Variants in DCUN1D5 observed in about 807,000 individuals in gnomAD.
DCUN1D5 encodes defective in cullin neddylation 1 domain containing 5.
Under a neutral mutation model 38.3 loss-of-function variants are expected in DCUN1D5, and 10 were observed. The ratio of observed to expected loss-of-function variants is 0.26; its 90% CI spans 0.16 to 0.44. The LOEUF (loss-of-function observed/expected upper bound fraction) is 0.44. DCUN1D5 is among the 20% of genes least tolerant of loss of function. The pLI, the probability that DCUN1D5 is intolerant of heterozygous loss-of-function variation, is 1.00. For synonymous variants in DCUN1D5, 93 were observed against 90.9 expected (o/e 1.02, Z -0.13); for missense variants, 148 against 275.3 (o/e 0.54, Z 3.27).
At chr11:103,079,377 CAGTA>C (rs2134626049) in intron 4 of DCUN1D5, among the ~76,000 whole-genome samples, 2 of 152,262 alleles carry the variant, frequency 1.3e-5, no homozygotes, top group South Asian at 2.1e-4. Flanking sequence ...CTGTGATCAC[CAGTA>C]AGTGATACTG....
chr11:103,072,375 T>G (rs995796237), intron 4 of DCUN1D5, among the ~76,000 whole-genome samples: 10 of 151,970 alleles, frequency 6.6e-5, no homozygotes, highest in African/African-American at 2.4e-4. Flanking sequence ...GAACTAGAAC[T>G]AGAAATACCA....
chr11:103,084,924 CTGCA>C (rs1862661743), intron 2 of DCUN1D5, among the ~76,000 whole-genome samples: 1 of 151,852 alleles, frequency 6.6e-6, no homozygotes, highest in African/African-American at 2.4e-5. Flanking sequence ...GAGTTTGAGG[CTGCA>C]ATGAGCCATG....
At chr11:103,079,014 A>T (rs1158915577) in intron 4 of DCUN1D5, among the ~76,000 whole-genome samples, 1 of 152,182 alleles carries the variant, frequency 6.6e-6, no homozygotes, top group East Asian at 1.9e-4. Context: ...GCCTGTTAGA[A>T]ACCAGGCTGT....
chr11:103,081,638 G>C (rs1237383184), intron 4 of DCUN1D5, among the ~76,000 whole-genome samples: 1 of 152,094 alleles, frequency 6.6e-6, no homozygotes, highest in Non-Finnish European at 1.5e-5. Flanking sequence ...CTAAGGAACT[G>C]TGCCAAATAT....
chr11:103,072,493 A>G (rs975883224), intron 4 of DCUN1D5, among the ~76,000 whole-genome samples: 4 of 152,118 alleles, frequency 2.6e-5, no homozygotes, highest in Admixed American at 1.3e-4. Context: ...TCACAATAGT[A>G]AAGACTTGGA....
In DCUN1D5 at chr11:103,081,021, AC is replaced by A. The variant is rs1418530056; in HGVS notation, c.341+1726del. On this transcript the variant is annotated intron_variant, in intron 4 of 7. Coordinates refer to ENST00000260247, the MANE Select transcript of DCUN1D5 (RefSeq NM_032299.4). Reference sequence around the variant, plus strand: ...AGACTCCGTCTAAAAAAAAAAAAAAACATGCTCATGGGCTAGTCAGTTTCTA... The same window carrying A: ...AGACTCCGTCTAAAAAAAAAAAAAAAATGCTCATGGGCTAGTCAGTTTCTA... Among the ~76,000 whole-genome samples the A allele has an allele frequency of 1.1e-4, 17 of 152,014 alleles. No homozygotes were observed. In the East Asian group the frequency reaches 3.3e-3, roughly 29 times the overall value.
rs1862283003 is a variant in DCUN1D5 at position 103,071,978 on chromosome 11, T to C, written c.342-5411A>G. On this transcript the variant is annotated intron_variant, in intron 4 of 7. Transcript: ENST00000260247. The surrounding 1 kb of genome is among the most constrained non-coding windows in gnomAD (Gnocchi z 4.1). ...CAGGCAAATACAAAAAAAAGCCACA[T>C]AATTTTATCATTTAATACAGAAAAA... Among the ~76,000 whole-genome samples, 3 of 151,594 alleles carry C rather than the reference T, an allele frequency of 2.0e-5. No individual in the cohort carries two copies. Among genetic ancestry groups the C allele is most frequent in the Non-Finnish European group, 4.4e-5 (3 of 67,882 alleles).
intron 4 of DCUN1D5, among the ~76,000 whole-genome samples, chr11:103,070,750 T>C (rs1862251123): frequency 6.6e-6 from 1 of 152,130 alleles, no homozygotes; most frequent in Non-Finnish European, 1.5e-5. Context: ...GACTACTCCA[T>C]TCGAAGACAA....
rs531639826 is a variant in DCUN1D5, at chr11:103,060,955, A to G, written c.*1404T>C. On this transcript the variant is annotated 3_prime_UTR_variant, in exon 8 of 8. Transcript: ENST00000260247. ...GGAGCATTCTGTATTATCCTTTTCT[A>G]TAAGACATTTAGGAAAACTGTCTCC... Among the ~76,000 whole-genome samples the G allele has an allele frequency of 4.6e-5, 7 of 152,278 alleles. No homozygotes were observed. The East Asian group carries it at 1.3e-3, about 29-fold the overall frequency.
rs2134599898 is a variant in DCUN1D5, at chr11:103,062,797, AGG to A, written c.659-385_659-384del. Reference sequence around the variant, plus strand: ...CCAAGAAGTGTACAAGCTTGTTGAGAGGGATCAGCCATAATAGAGACTTACTT... The same window carrying A: ...CCAAGAAGTGTACAAGCTTGTTGAGAGATCAGCCATAATAGAGACTTACTT... On this transcript the variant is annotated intron_variant, in intron 7 of 7. Transcript: ENST00000260247. The surrounding 1 kb of genome is among the most constrained non-coding windows in gnomAD (Gnocchi z 4.6). 6.6e-6 allele frequency among the ~76,000 whole-genome samples: 1 copy of A among 152,224 alleles called. No individual in the cohort carries two copies. Among genetic ancestry groups the A allele is most frequent in the South Asian group, 2.1e-4 (1 of 4,830 alleles).
intron 4 of DCUN1D5, among the ~76,000 whole-genome samples, chr11:103,067,020 G>C (rs1297246009): frequency 3.3e-5 from 5 of 152,098 alleles, no homozygotes; most frequent in Non-Finnish European, 5.9e-5. Flanking sequence ...TAAAAGTTTA[G>C]GATATAACAC....
At chr11:103,067,251 C>G (rs983737464) in intron 4 of DCUN1D5, among the ~76,000 whole-genome samples, 3 of 152,146 alleles carry the variant, frequency 2.0e-5, no homozygotes, top group African/African-American at 7.2e-5. Flanking sequence ...GACTTTGTCT[C>G]AGTGGGTTGA....
Position 103,077,059 on chromosome 11 carries a change from G to C in DCUN1D5, c.341+5689C>G, listed in dbSNP as rs1455580743. Among the ~76,000 whole-genome samples the C allele has an allele frequency of 6.6e-6, 1 of 152,168 alleles. No individual in the cohort carries two copies. Among genetic ancestry groups the C allele is most frequent in the Non-Finnish European group, 1.5e-5 (1 of 68,038 alleles). On this transcript the variant is annotated intron_variant, in intron 4 of 7. Coordinates refer to ENST00000260247, the MANE Select transcript of DCUN1D5 (RefSeq NM_032299.4). The surrounding 1 kb of genome is among the most constrained non-coding windows in gnomAD (Gnocchi z 4.3). Reference sequence around the variant, plus strand: ...TAAAAATACAAAAAAAATTAGCTGGGTGTGGTGGCGGGTGCCTGTAGTCCC... The same window carrying C: ...TAAAAATACAAAAAAAATTAGCTGGCTGTGGTGGCGGGTGCCTGTAGTCCC...
In DCUN1D5 at chr11:103,053,922, T is replaced by C. The variant is rs968583214; in HGVS notation, c.*8437A>G. The C allele has an allele frequency of 7.9e-5, 12 of 152,142 alleles. No individual in the cohort carries two copies. Among genetic ancestry groups the C allele is most frequent in the African/African-American group, 2.9e-4 (12 of 41,540 alleles). 9.4% of individuals were successfully genotyped at this position (152,142 alleles called of 1,614,324 possible). On this transcript the variant is annotated 3_prime_UTR_variant, in exon 8 of 8. Coordinates refer to ENST00000260247, the MANE Select transcript of DCUN1D5 (RefSeq NM_032299.4). The surrounding 1 kb of genome is among the most constrained non-coding windows in gnomAD (Gnocchi z 4.8). ...CCTGTATTTCATTTCATCCTCAAAA[T>C]AATGCTATTAGATAAGGACTATTAT...
Position 103,083,925 on chromosome 11 carries a change from C to G in DCUN1D5, c.179-599G>C, listed in dbSNP as rs1862631915. ...TTTCCTTATCATCTTGGTTCTAAAA[C>G]AGACAGCAAGCATTGATGTCACCTT... On this transcript the variant is annotated intron_variant, in intron 2 of 7. Coordinates refer to ENST00000260247, the MANE Select transcript of DCUN1D5 (RefSeq NM_032299.4). The surrounding 1 kb of genome is among the most constrained non-coding windows in gnomAD (Gnocchi z 4.4). 1.3e-5 allele frequency among the ~76,000 whole-genome samples: 2 copies of G among 152,062 alleles called. No individual in the cohort carries two copies. The highest frequency in any genetic ancestry group is 4.1e-4 in the South Asian group (2 of 4,820).
rs753830171 is a variant in DCUN1D5 at position 103,064,609 on chromosome 11, C to T, written c.556-232G>A. Among the ~76,000 whole-genome samples, 1 of 151,804 alleles carries T rather than the reference C, an allele frequency of 6.6e-6. No individual in the cohort carries two copies. The highest frequency in any genetic ancestry group is 1.5e-5 in the Non-Finnish European group (1 of 67,958). ...GAATAATAAGAGCACTGAGTACTAACAGTAAGGATAAAACTAACTTTTTCA... is the reference window on the plus strand; with the variant it reads ...GAATAATAAGAGCACTGAGTACTAATAGTAAGGATAAAACTAACTTTTTCA... On this transcript the variant is annotated intron_variant, in intron 6 of 7. Coordinates refer to ENST00000260247, the MANE Select transcript of DCUN1D5 (RefSeq NM_032299.4). The surrounding 1 kb of genome is among the most constrained non-coding windows in gnomAD (Gnocchi z 4.5).
intron 4 of DCUN1D5, among the ~76,000 whole-genome samples, chr11:103,072,461 C>T (rs987305539): frequency 2.0e-5 from 3 of 151,170 alleles, no homozygotes; most frequent in Non-Finnish European, 4.4e-5. Context: ...CATATGCACA[C>T]GTATGTTTAC....
At position 103,063,210 on chromosome 11, in the gene DCUN1D5, G is replaced by C. The variant is rs1270168894; in HGVS notation, c.659-796C>G. On this transcript the variant is annotated intron_variant, in intron 7 of 7. Transcript: ENST00000260247. This position sits in a 1 kb window ranked among gnomAD's most constrained non-coding sequence, Gnocchi z 4.6. ...CATGAACTGTCAAACTGAAAAGCAA[G>C]TCCAACACAGTTAACACTTGACTCC... Among the ~76,000 whole-genome samples the C allele has an allele frequency of 6.6e-6, 1 of 152,066 alleles. No homozygotes were observed. The highest frequency in any genetic ancestry group is 1.5e-5 in the Non-Finnish European group (1 of 67,986).
intron 4 of DCUN1D5, among the ~76,000 whole-genome samples, chr11:103,069,936 A>G (rs1186974196): frequency 6.6e-6 from 1 of 152,220 alleles, no homozygotes; most frequent in African/African-American, 2.4e-5. Flanking sequence ...TTCAATTTAA[A>G]AAATCACTTG....
Sources: allele counts gnomAD v4.1 joint callset (sites outside exome capture counted in the v4.1 genomes callset), GRCh38; gene constraint gnomAD v4.1.1; non-coding constraint Gnocchi (gnomAD v3.1); transcripts MANE v1.5; gene names NCBI Gene and HGNC (gene_info 2026-07-23, HGNC 2026-07-21).